Variants in KIFAP3 observed in about 807,000 individuals in gnomAD.
KIFAP3 encodes the protein kinesin-associated protein 3.
A neutral mutation model predicts 106.5 loss-of-function variants in KIFAP3; 68 were observed. The observed-to-expected ratio is 0.64, with a 90% CI of 0.53 to 0.78. KIFAP3 has a LOEUF of 0.78. Ranked by LOEUF, KIFAP3 falls within the 30% of genes least tolerant of loss-of-function variation. The pLI, the probability that KIFAP3 is intolerant of heterozygous loss-of-function variation, is 0.00. For missense variants in KIFAP3, 780 were observed against 941.8 expected (o/e 0.83, Z 2.25); for synonymous variants, 320 against 311.5 (o/e 1.03, Z -0.29).
chr1:169,989,175 T>TA (rs1490499483), intron 11 of KIFAP3, among the ~76,000 whole-genome samples: 1 of 152,014 alleles, frequency 6.6e-6, no homozygotes, highest in Admixed American at 6.6e-5. Flanking sequence ...TAACAGTATC[T>TA]AAAAAGTAAT....
chr1:169,941,234 T>C (rs968527042), intron 19 of KIFAP3, among the ~76,000 whole-genome samples: 11 of 152,294 alleles, frequency 7.2e-5, no homozygotes, highest in African/African-American at 2.6e-4. Flanking sequence ...ACATTATACC[T>C]AATACCTTCT....
intron 19 of KIFAP3, among the ~76,000 whole-genome samples, chr1:169,932,736 C>T (rs1161717633): frequency 1.1e-4 from 16 of 145,258 alleles, no homozygotes; most frequent in Non-Finnish European, 2.2e-4. Flanking sequence ...TTTGTTAAAA[C>T]TCATGTCTCC....
upstream of KIFAP3, among the ~76,000 whole-genome samples, chr1:170,079,521 A>T (rs1208047928): frequency 6.6e-6 from 1 of 152,118 alleles, no homozygotes; most frequent in Non-Finnish European, 1.5e-5. Context: ...CATGATTTTA[A>T]AAAACTATTA....
chr1:169,994,137 C>T, intron 10 of KIFAP3, among the ~76,000 whole-genome samples: 1 of 152,096 alleles, frequency 6.6e-6, no homozygotes, highest in East Asian at 1.9e-4. Flanking sequence ...GGCATTGAAT[C>T]TCAAAACAAT....
At chr1:169,945,849 A>G (rs2101824078) in intron 19 of KIFAP3, among the ~76,000 whole-genome samples, 1 of 152,306 alleles carries the variant, frequency 6.6e-6, no homozygotes, top group Middle Eastern at 3.4e-3. Context: ...TTTACAATTT[A>G]CTAATGCCGA....
At chr1:170,065,613 CAAAAAAAAAAAAA>C (rs71125225) in intron 1 of KIFAP3, among the ~76,000 whole-genome samples, 2 of 49,900 alleles carry the variant, frequency 4.0e-5, no homozygotes, top group Non-Finnish European at 7.5e-5. Context: ...GACTCCACCT[CAAAAAAAAAAAAA>C]AAAAAAAAAA....
Position 170,014,920 on chromosome 1 carries a change from C to A in KIFAP3, c.1183+1542G>T, listed in dbSNP as rs560018152. Reference sequence around the variant, plus strand: ...AACTCTAAGTTGAATATAGTTATTACCCTCATTTAAGAGATGAGGAAACTG... The same window carrying A: ...AACTCTAAGTTGAATATAGTTATTAACCTCATTTAAGAGATGAGGAAACTG... On this transcript the variant is annotated intron_variant, in intron 10 of 19. Coordinates refer to ENST00000361580, the MANE Select transcript of KIFAP3 (RefSeq NM_014970.4). Among the ~76,000 whole-genome samples, 12 of 152,220 alleles carry A rather than the reference C, an allele frequency of 7.9e-5. No homozygotes were observed. The South Asian group carries it at 2.5e-3, about 32-fold the overall frequency.
chr1:170,056,279 A>T (rs980021413), intron 1 of KIFAP3, among the ~76,000 whole-genome samples: 7 of 152,224 alleles, frequency 4.6e-5, no homozygotes, highest in African/African-American at 1.7e-4. Context: ...TTACATAACA[A>T]AAAAGCATTT....
chr1:170,077,538 A>G (rs1671944643), upstream of KIFAP3, among the ~76,000 whole-genome samples: 1 of 152,244 alleles, frequency 6.6e-6, no homozygotes, highest in East Asian at 1.9e-4. Context: ...GTGGCAGATT[A>G]AATACAGCAT....
Position 169,961,202 on chromosome 1 carries a change from T to C in KIFAP3, c.2017A>G (p.Ser673Gly). 1.2e-6 allele frequency: 2 copies of C among 1,613,134 alleles called. No homozygotes were observed. Among genetic ancestry groups the C allele is most frequent in the Non-Finnish European group, 1.7e-6 (2 of 1,179,692 alleles). Residue 673 changes from serine to glycine, a missense_variant, in exon 18 of 20, where the codon AGT becomes GGT. Around this residue, in one of 3 missense-constraint regions of KIFAP3, gnomAD observed 78 missense variants for 140.6 expected, o/e 0.55. Coordinates refer to ENST00000361580, the MANE Select transcript of KIFAP3 (RefSeq NM_014970.4). Reference protein sequence around the residue: ...YDEEWAKKIQSEKFRWHNSQW... With the variant: ...YDEEWAKKIQGEKFRWHNSQW... ...GAGTTATGCCAGCGAAACTTTTCAC[T>C]CTGAATTTTCTTAGCCCATTCTTCA...
At chr1:170,072,952 T>C (rs1032588536) in intron 1 of KIFAP3, among the ~76,000 whole-genome samples, 1 of 152,216 alleles carries the variant, frequency 6.6e-6, no homozygotes, top group African/African-American at 2.4e-5. Context: ...GGTTTTAATT[T>C]TGGAACTCTA....
In KIFAP3 at chr1:169,984,639, T is replaced by A; in HGVS notation, c.1336A>T (p.Ile446Phe). 1 of 1,609,630 alleles carries A rather than the reference T, an allele frequency of 6.2e-7. No individual in the cohort carries two copies. Among genetic ancestry groups the A allele is most frequent in the Non-Finnish European group, 8.5e-7 (1 of 1,177,000 alleles). ...GCAGCAAGATTAATGCAGAAAGAAA[T>A]GAGTTCCAAGTCAATTCGTTCATCT... Reference protein sequence around the residue: ...CSDERIDLELISFCINLAANK... With the variant: ...CSDERIDLELFSFCINLAANK... The change falls in exon 12 of 20, where the codon ATT (isoleucine) becomes TTT (phenylalanine). Residue 446 changes from isoleucine to phenylalanine, a missense_variant. Physicochemically the swap from Ile to Phe is conservative, Grantham distance 21. This residue lies in a region of KIFAP3 where 588 missense variants were observed against 678.9 expected (regional missense o/e 0.87). Coordinates refer to ENST00000361580, the MANE Select transcript of KIFAP3 (RefSeq NM_014970.4).
chr1:169,967,945 C>T (rs185352402), intron 17 of KIFAP3, among the ~76,000 whole-genome samples: 47 of 151,954 alleles, frequency 3.1e-4, no homozygotes, highest in African/African-American at 1.1e-3. Context: ...AGGGATATCA[C>T]AGCTGAATCA....
At chr1:170,028,394 ATGGTGCGATC>A (rs1669230218) in intron 8 of KIFAP3, among the ~76,000 whole-genome samples, 1 of 151,914 alleles carries the variant, frequency 6.6e-6, no homozygotes, top group Non-Finnish European at 1.5e-5. Flanking sequence ...CTGGAGTGCA[ATGGTGCGATC>A]TTGGCTCATT....
At chr1:170,056,859 T>C (rs887428648) in intron 1 of KIFAP3, among the ~76,000 whole-genome samples, 2 of 151,514 alleles carry the variant, frequency 1.3e-5, no homozygotes, top group Non-Finnish European at 2.9e-5. Context: ...ATAGGACAAG[T>C]AAAGAATGAA....
intron 1 of KIFAP3, 29 bp from the exon 2 acceptor site, chr1:170,055,465 C>A: frequency 6.6e-7 from 1 of 1,526,128 alleles, no homozygotes; most frequent in Non-Finnish European, 8.8e-7. Context: ...ATGATATAAC[C>A]AGATTAAAAT....
In KIFAP3 at chr1:170,038,997, C is replaced by T. The variant is rs568371186; in HGVS notation, c.375+236G>A. On this transcript the variant is annotated intron_variant, in intron 4 of 19. Coordinates refer to ENST00000361580, the MANE Select transcript of KIFAP3 (RefSeq NM_014970.4). Reference sequence around the variant, plus strand: ...ACTCAGGAGGCTGAGGCAGGAAAATCGCTTGAACCCGGGAGGCGGAGGTTG... The same window carrying T: ...ACTCAGGAGGCTGAGGCAGGAAAATTGCTTGAACCCGGGAGGCGGAGGTTG... Among the ~76,000 whole-genome samples, 123 of 152,220 alleles carry T rather than the reference C, an allele frequency of 8.1e-4. 1 individual carries two copies. The highest frequency in any genetic ancestry group is 2.9e-3 in the African/African-American group (121 of 41,546).
At chr1:169,952,453 C>T (rs539187377) in intron 19 of KIFAP3, among the ~76,000 whole-genome samples, 1 of 151,990 alleles carries the variant, frequency 6.6e-6, no homozygotes, top group African/African-American at 2.4e-5. Context: ...TATATGTAAA[C>T]AGTTTACATA....
chr1:170,056,240 CTAAA>C (rs1484257397), intron 1 of KIFAP3, among the ~76,000 whole-genome samples: 3 of 152,046 alleles, frequency 2.0e-5, no homozygotes, highest in Non-Finnish European at 2.9e-5. Flanking sequence ...GAATTAGTAC[CTAAA>C]TAAAATCACT....
Sources: gnomAD v4.1 joint callset for allele counts (sites outside exome capture counted in the v4.1 genomes callset) on GRCh38, gnomAD v4.1.1 for gene constraint, gnomAD v4.1.1 regional missense constraint, MANE v1.5 for transcripts, NCBI Gene and HGNC (gene_info 2026-07-23, HGNC 2026-07-21) for gene names.